The following SLC6A3 variants were observed in gnomAD, a reference collection of about 807,000 sequenced individuals.
SLC6A3 encodes solute carrier family 6 member 3.
In SLC6A3, 19 loss-of-function variants were observed where a neutral mutation model predicts 70.4. The ratio of observed to expected loss-of-function variants is 0.27; its 90% CI spans 0.19 to 0.40. SLC6A3 has a LOEUF of 0.40. Among genes scored for constraint, SLC6A3 ranks in the 10% least tolerant of loss-of-function variants. SLC6A3 has a pLI of 1.00. For synonymous variants in SLC6A3, 368 were observed against 356.6 expected, an observed-to-expected ratio of 1.03 and a Z score of -0.36; for missense variants, 613 against 838.5, an observed-to-expected ratio of 0.73 and a Z score of 3.32.
At position 1,412,916 on chromosome 5, in the gene SLC6A3, G is replaced by C. The variant is rs187735365; in HGVS notation, c.1157-1561C>G. Among the ~76,000 whole-genome samples, 443 of 152,354 alleles carry C rather than the reference G, an allele frequency of 2.9e-3. 5 individuals are homozygous for C. The highest frequency in any genetic ancestry group is 9.9e-3 in the African/African-American group (412 of 41,584). On this transcript the variant is annotated intron_variant, in intron 8 of 14. Coordinates refer to ENST00000270349, the MANE Select transcript of SLC6A3 (RefSeq NM_001044.5). Reference sequence around the variant, plus strand: ...GATGGGGACAGCCTCCGCGTGGGGTGGGGGAGGCAGGCTCGCCTGAGATGT... The same window carrying C: ...GATGGGGACAGCCTCCGCGTGGGGTCGGGGAGGCAGGCTCGCCTGAGATGT...
At chr5:1,430,400 A>G (rs456082) in intron 4 of SLC6A3, among the ~76,000 whole-genome samples, 47,340 of 152,076 alleles carry the variant, frequency 0.31, 8,307 homozygotes, top group East Asian at 0.52. Context: ...CCTCACCTCC[A>G]AGGCCAGTCC....
At chr5:1,434,212 A>T (rs568976863) in intron 3 of SLC6A3, among the ~76,000 whole-genome samples, 79 of 152,292 alleles carry the variant, frequency 5.2e-4, no homozygotes, top group South Asian at 8.3e-4. Flanking sequence ...ACGTAAGACC[A>T]CCAGGGTCCA....
rs148590368 is a variant in SLC6A3 at position 1,409,387 on chromosome 5, C to T, written c.1399-262G>A. 0.011 allele frequency among the ~76,000 whole-genome samples: 1,722 copies of T among 152,306 alleles called. 10 individuals carry two copies. The highest frequency in any genetic ancestry group is 0.019 in the Non-Finnish European group (1,260 of 68,004). ...GAATGCGGAACTTGGCAGTGCCTCC[C>T]TTGGAGAGGGAGTGGCCTGGGCTCC... On this transcript the variant is annotated intron_variant, in intron 10 of 14. Coordinates refer to ENST00000270349, the MANE Select transcript of SLC6A3 (RefSeq NM_001044.5).
At position 1,422,433 on chromosome 5, in the gene SLC6A3, T is replaced by TGCCC. The variant is rs1756465225; in HGVS notation, c.654-420_654-419insGGGC. 2.2e-5 allele frequency among the ~76,000 whole-genome samples: 3 copies of TGCCC among 139,064 alleles called. 1 individual carries two copies. The highest frequency in any genetic ancestry group is 3.1e-5 in the Non-Finnish European group (2 of 65,144). 91.2% of individuals were successfully genotyped at this position (139,064 alleles called of 152,430 possible). On this transcript the variant is annotated intron_variant, in intron 4 of 14. Coordinates refer to ENST00000270349, the MANE Select transcript of SLC6A3 (RefSeq NM_001044.5). ...CCACGGTGCTGCCCACGCTGCTGGG[T>TGCCC]ACCCACCGCTGCCCACAGTGCTGCC... is the stretch of plus-strand genomic sequence containing the variant.
Position 1,414,736 on chromosome 5 carries a change from T to G in SLC6A3, c.1111A>C (p.Met371Leu), listed in dbSNP as rs771052229. 4 of 1,612,654 alleles carry G rather than the reference T, an allele frequency of 2.5e-6. No homozygotes were observed. Among genetic ancestry groups the G allele is most frequent in the Non-Finnish European group, 3.4e-6 (4 of 1,179,864 alleles). The change falls in exon 8 of 15, where the codon ATG becomes CTG. Residue 371 changes from methionine (M) to leucine (L), a missense_variant. This residue lies in a region of SLC6A3 where 348 missense variants were observed against 481.2 expected (regional missense o/e 0.72). Transcript: ENST00000270349. Reference protein sequence around the residue: ...GFVVFSFLGYMAQKHSVPIGD... With the variant: ...GFVVFSFLGYLAQKHSVPIGD... ...ATGGGCACACTGTGCTTCTGTGCCATGTACCCCAGGAAGGAGAAGACGACG... is the reference window on the plus strand; with the variant it reads ...ATGGGCACACTGTGCTTCTGTGCCAGGTACCCCAGGAAGGAGAAGACGACG...
intron 14 of SLC6A3, among the ~76,000 whole-genome samples, chr5:1,400,212 G>C (rs1560904822): frequency 1.3e-5 from 2 of 152,158 alleles, no homozygotes; most frequent in African/African-American, 4.8e-5. Flanking sequence ...GCACAGCCCA[G>C]GCTCCTCTCC....
At chr5:1,420,506 T>C in intron 6 of SLC6A3, 63 bp downstream of exon 6, 1 of 1,598,424 alleles carries the variant, frequency 6.3e-7, no homozygotes, top group Admixed American at 1.7e-5. Context: ...AGGCAATGCA[T>C]ATGGAAACCT....
At position 1,402,578 on chromosome 5, in the gene SLC6A3, CCA is replaced by C. The variant is rs1319980911; in HGVS notation, c.1767+342_1767+343del. On this transcript the variant is annotated intron_variant, in intron 13 of 14. Coordinates refer to ENST00000270349, the MANE Select transcript of SLC6A3 (RefSeq NM_001044.5). The surrounding 1 kb of genome is among the most constrained non-coding windows in gnomAD (Gnocchi z 8.5). ...CACGAATGTGAGCACAGACCCAGGCCCACACACACGTGCACACGGAGACAGCA... is the reference window on the plus strand; with the variant it reads ...CACGAATGTGAGCACAGACCCAGGCCCACACACGTGCACACGGAGACAGCA... Among the ~76,000 whole-genome samples the C allele has an allele frequency of 1.3e-5, 2 of 152,112 alleles. No individual in the cohort carries two copies. Among genetic ancestry groups the C allele is most frequent in the Admixed American group, 6.5e-5 (1 of 15,278 alleles).
intron 9 of SLC6A3, among the ~76,000 whole-genome samples, chr5:1,410,807 T>C (rs576073235): frequency 1.4e-4 from 21 of 152,016 alleles, no homozygotes; most frequent in African/African-American, 4.1e-4. Context: ...TCTGTGTGTA[T>C]GTGTGTGTGC....
At position 1,408,310 on chromosome 5, in the gene SLC6A3, G is replaced by A. The variant is rs1756035188; in HGVS notation, c.1498+716C>T. ...GCCCACCTCGGCCTCCCAAAGTGCTGGGATTACAGGCGTGAGTCACCGCGC... is the reference window on the plus strand; with the variant it reads ...GCCCACCTCGGCCTCCCAAAGTGCTAGGATTACAGGCGTGAGTCACCGCGC... On this transcript the variant is annotated intron_variant, in intron 11 of 14. Coordinates refer to ENST00000270349, the MANE Select transcript of SLC6A3 (RefSeq NM_001044.5). The surrounding 1 kb of genome is among the most constrained non-coding windows in gnomAD (Gnocchi z 6.4). Among the ~76,000 whole-genome samples the A allele has an allele frequency of 1.3e-5, 2 of 151,740 alleles. No homozygotes were observed. Among genetic ancestry groups the A allele is most frequent in the Non-Finnish European group, 2.9e-5 (2 of 67,972 alleles).
intron 14 of SLC6A3, among the ~76,000 whole-genome samples, chr5:1,400,247 GC>G (rs1755813412): frequency 2.6e-5 from 4 of 152,174 alleles, no homozygotes; most frequent in Non-Finnish European, 4.4e-5. Flanking sequence ...GTGATCTTGG[GC>G]ACATTCCGGG....
rs192044159 is a variant in SLC6A3 at position 1,406,329 on chromosome 5, G to A, written c.1499-41C>T. 4.0e-4 allele frequency: 610 copies of A among 1,517,568 alleles called. 1 individual carries two copies. The Middle Eastern group carries it at 5.9e-3, about 15-fold the overall frequency. 94.0% of individuals were successfully genotyped at this position (1,517,568 alleles called of 1,614,324 possible). A position where few individuals can be genotyped will look rare whatever the true frequency, so the allele number is the denominator to read the frequency against. ...TGGCATCAGTGTCCATCAGGGCAGC[G>A]CATTCCCCCGATGCTGGACACGTGT... On this transcript the variant is annotated intron_variant, in intron 11 of 14. Transcript: ENST00000270349. The surrounding 1 kb of genome is among the most constrained non-coding windows in gnomAD (Gnocchi z 8.8).
chr5:1,407,181 C>G lies in SLC6A3; in HGVS notation c.1499-893G>C, dbSNP rs202178354. On this transcript the variant is annotated intron_variant, in intron 11 of 14. Coordinates refer to ENST00000270349, the MANE Select transcript of SLC6A3 (RefSeq NM_001044.5). ...AGACCTTAAGAGTGGTTTCTCCCCC[C>G]ACATCTGGCCTGGTCTGTGACTCGT... Among the ~76,000 whole-genome samples, 30 of 152,318 alleles carry G rather than the reference C, an allele frequency of 2.0e-4. No homozygotes were observed. In the East Asian group the frequency reaches 5.2e-3, roughly 26 times the overall value.
Position 1,405,341 on chromosome 5 carries a change from G to A in SLC6A3, c.1599+847C>T, listed in dbSNP as rs1331076500. 6.6e-6 allele frequency among the ~76,000 whole-genome samples: 1 copy of A among 152,218 alleles called. No individual in the cohort carries two copies. Among genetic ancestry groups the A allele is most frequent in the Admixed American group, 6.5e-5 (1 of 15,286 alleles). ...GTCCCACCTGCTGTGTGCAGGTGAC[G>A]AGGGGTCTCCACGCACGCGGGCCCT... On this transcript the variant is annotated intron_variant, in intron 12 of 14. Transcript: ENST00000270349. This position sits in a 1 kb window ranked among gnomAD's most constrained non-coding sequence, Gnocchi z 5.3.
intron 3 of SLC6A3, among the ~76,000 whole-genome samples, chr5:1,435,251 G>T (rs1362560210): frequency 6.6e-6 from 1 of 152,240 alleles, no homozygotes; most frequent in Non-Finnish European, 1.5e-5. Flanking sequence ...GCCAGGTTGG[G>T]AGCCACACTG....
At chr5:1,441,330 C>T in intron 3 of SLC6A3, 29 bp downstream of exon 3, 1 of 1,614,066 alleles carries the variant, frequency 6.2e-7, no homozygotes, top group Non-Finnish European at 8.5e-7. Context: ...CGCGCTGCGC[C>T]AGGGTGAAGG....
At chr5:1,441,572 T>C in intron 2 of SLC6A3, 82 bp from the exon 3 acceptor site, 1 of 1,519,914 alleles carries the variant, frequency 6.6e-7, no homozygotes, top group South Asian at 1.2e-5. Context: ...GCTACCCCAG[T>C]CAACCATCCA....
intron 5 of SLC6A3, 29 bp from the exon 6 acceptor site, chr5:1,420,732 G>A (rs748706827): frequency 6.2e-7 from 1 of 1,611,986 alleles, no homozygotes; most frequent in Non-Finnish European, 8.5e-7. Context: ...TCACCAGGCT[G>A]CACAGGCAGG....
chr5:1,416,565 G>T, intron 6 of SLC6A3: 1 of 379,812 alleles, frequency 2.6e-6, no homozygotes, highest in South Asian at 2.4e-5. Flanking sequence ...CCTCGGAACA[G>T]CACGGCCTCA....
Sources: gnomAD v4.1 joint callset for allele counts (sites outside exome capture counted in the v4.1 genomes callset) on GRCh38, gnomAD v4.1.1 for gene constraint, gnomAD v4.1.1 regional missense constraint, Gnocchi (gnomAD v3.1) non-coding constraint, MANE v1.5 for transcripts, NCBI Gene and HGNC (gene_info 2026-07-23, HGNC 2026-07-21) for gene names.